RNF150: variants seen among roughly 807,000 people sequenced by gnomAD.
RNF150 encodes ring finger protein 150.
Under a neutral mutation model 39.3 loss-of-function variants are expected in RNF150, and 24 were observed. The observed-to-expected ratio is 0.61, with a 90% confidence interval of 0.44 to 0.86. RNF150 has a LOEUF of 0.86. RNF150 is among the 40% of genes least tolerant of loss of function. RNF150 has a pLI of 0.00. For missense variants in RNF150, 502 were observed against 587.8 expected, an observed-to-expected ratio of 0.85 and a Z score of 1.51; for synonymous variants, 255 against 227.3, an observed-to-expected ratio of 1.12 and a Z score of -1.10.
chr4:141,095,844 T>G (rs1459791930), intron 1 of RNF150, among the ~76,000 whole-genome samples: 2 of 152,258 alleles, frequency 1.3e-5, no homozygotes, highest in East Asian at 3.8e-4. Context: ...GCTAATGTGC[T>G]GTTTCTTAAT....
chr4:140,910,873 C>T (rs942652912), intron 6 of RNF150, among the ~76,000 whole-genome samples: 5 of 152,108 alleles, frequency 3.3e-5, no homozygotes, highest in East Asian at 3.9e-4. Flanking sequence ...CACAGGGAAG[C>T]GGACATGGAG....
Position 140,860,571 on chromosome 4 carries a change from C to A in RNF150, c.*7690G>T, listed in dbSNP as rs1728446254. The A allele has an allele frequency of 6.6e-6, 1 of 152,130 alleles. No homozygotes were observed. Among genetic ancestry groups the A allele is most frequent in the African/African-American group, 2.4e-5 (1 of 41,424 alleles). The allele number at this position is 152,130 out of a possible 1,614,324, so 9.4% of individuals were successfully genotyped here. On this transcript the variant is annotated 3_prime_UTR_variant, in exon 7 of 7. Coordinates refer to ENST00000515673, the MANE Select transcript of RNF150 (RefSeq NM_020724.2). Reference sequence around the variant, plus strand: ...TGGGGAAGCTAAGTAGACTTTACCCCAACATCAATCATTTTACAACAAAAG... The same window carrying A: ...TGGGGAAGCTAAGTAGACTTTACCCAAACATCAATCATTTTACAACAAAAG...
In RNF150 at chr4:141,125,966, C is replaced by T. The variant is rs113795653; in HGVS notation, c.484+6359G>A. Among the ~76,000 whole-genome samples the T allele has an allele frequency of 7.8e-4, 118 of 152,250 alleles. 1 individual carries two copies. Among genetic ancestry groups the T allele is most frequent in the African/African-American group, 2.6e-3 (108 of 41,544 alleles). ...TTCTTGCCCGGGTCATCTTAAGCTACACTGCCAAGAATGTTATTTAACACT... is the reference window on the plus strand; with the variant it reads ...TTCTTGCCCGGGTCATCTTAAGCTATACTGCCAAGAATGTTATTTAACACT... On this transcript the variant is annotated intron_variant, in intron 1 of 6. Coordinates refer to ENST00000515673, the MANE Select transcript of RNF150 (RefSeq NM_020724.2).
At chr4:141,191,030 C>T (rs1454316894) in intron 1 of RNF150, among the ~76,000 whole-genome samples, 2 of 152,218 alleles carry the variant, frequency 1.3e-5, no homozygotes, top group African/African-American at 4.8e-5. Context: ...CTCCACTTCA[C>T]AAGTTAGCAT....
At chr4:140,910,793 G>A (rs890380325) in intron 6 of RNF150, among the ~76,000 whole-genome samples, 1 of 152,214 alleles carries the variant, frequency 6.6e-6, no homozygotes, top group South Asian at 2.1e-4. Context: ...AGCACCCCTT[G>A]TAGTTGCTCC....
rs1728614201 is a variant in RNF150, at chr4:140,864,243, A to G, written c.*4018T>C. 1 of 152,170 alleles carries G rather than the reference A, an allele frequency of 6.6e-6. No individual in the cohort carries two copies. Among genetic ancestry groups the G allele is most frequent in the Admixed American group, 6.5e-5 (1 of 15,276 alleles). 9.4% of individuals were successfully genotyped at this position (152,170 alleles called of 1,614,324 possible). The stretch of plus-strand genomic sequence containing the variant: ...GCTTTTAATTTTCTGCCTTCTCCAG[A>G]CTCTACCTCTCCCTGTGTAGATGAC... On this transcript the variant is annotated 3_prime_UTR_variant, in exon 7 of 7. Transcript: ENST00000515673.
At chr4:141,091,487 A>T (rs1738579451) in intron 1 of RNF150, among the ~76,000 whole-genome samples, 1 of 152,198 alleles carries the variant, frequency 6.6e-6, no homozygotes, top group African/African-American at 2.4e-5. Flanking sequence ...ACAGTGGATA[A>T]CAGTTAAAGG....
At chr4:141,003,352 T>A (rs1560681787) in intron 1 of RNF150, among the ~76,000 whole-genome samples, 1 of 152,168 alleles carries the variant, frequency 6.6e-6, no homozygotes, top group Non-Finnish European at 1.5e-5. Context: ...CCCCAACACA[T>A]ACTGATATTG....
At chr4:141,027,952 T>G (rs28470572) in intron 1 of RNF150, among the ~76,000 whole-genome samples, 31,191 of 69,382 alleles carry the variant, frequency 0.45, 10,079 homozygotes, top group Non-Finnish European at 0.6. Flanking sequence ...TTTTTTTTTT[T>G]CAATCCTGCT....
chr4:141,030,181 G>A (rs543343628), intron 1 of RNF150, among the ~76,000 whole-genome samples: 207 of 150,714 alleles, frequency 1.4e-3, no homozygotes, highest in Non-Finnish European at 2.5e-3. Flanking sequence ...GCGACAAAGT[G>A]AGACTCCGTC....
chr4:141,141,395 T>C, intron 1 of RNF150, among the ~76,000 whole-genome samples: 1 of 152,246 alleles, frequency 6.6e-6, no homozygotes, highest in East Asian at 1.9e-4. Context: ...TATTGGAGTC[T>C]ACAAACGAAT....
intron 1 of RNF150, among the ~76,000 whole-genome samples, chr4:141,092,990 T>C (rs10032239): frequency 0.15 from 22,409 of 152,070 alleles, 1,717 homozygotes; most frequent in Middle Eastern, 0.25. Flanking sequence ...CCTGAGGGCA[T>C]CTACTACTCC....
At chr4:141,108,288 C>T (rs1333026722) in intron 1 of RNF150, among the ~76,000 whole-genome samples, 1 of 152,148 alleles carries the variant, frequency 6.6e-6, no homozygotes, top group South Asian at 2.1e-4. Flanking sequence ...CAGTTAGGAC[C>T]AGCACTGTTT....
rs561186735 is a variant in RNF150 at position 140,982,821 on chromosome 4, C to T, written c.485-14948G>A. ...TGCCTGCTGCATTAGCACATCCCAG[C>T]GGTGATTCTGTCCTTGGCATACTTA... On this transcript the variant is annotated intron_variant, in intron 1 of 6. Coordinates refer to ENST00000515673, the MANE Select transcript of RNF150 (RefSeq NM_020724.2). Among the ~76,000 whole-genome samples, 36 of 152,206 alleles carry T rather than the reference C, an allele frequency of 2.4e-4. 1 individual carries two copies. Among genetic ancestry groups the T allele is most frequent in the African/African-American group, 8.2e-4 (34 of 41,546 alleles).
intron 6 of RNF150, among the ~76,000 whole-genome samples, chr4:140,909,435 G>GGAGA (rs1247387371): frequency 2.6e-5 from 4 of 151,464 alleles, no homozygotes; most frequent in Non-Finnish European, 4.4e-5. Flanking sequence ...TTTTAATATT[G>GGAGA]GAGACAATAT....
At chr4:141,196,672 A>G (rs1278075450) in intron 1 of RNF150, among the ~76,000 whole-genome samples, 2 of 151,368 alleles carry the variant, frequency 1.3e-5, no homozygotes, top group Non-Finnish European at 2.9e-5. Flanking sequence ...TTACCATCCC[A>G]CTGTGCATAG....
At chr4:141,105,043 G>T (rs1013228950) in intron 1 of RNF150, among the ~76,000 whole-genome samples, 1 of 152,090 alleles carries the variant, frequency 6.6e-6, no homozygotes, top group Non-Finnish European at 1.5e-5. Context: ...TCTCAATCGT[G>T]TATACCTATT....
chr4:141,209,968 T>C (rs775674369), intron 1 of RNF150, among the ~76,000 whole-genome samples: 3 of 152,130 alleles, frequency 2.0e-5, no homozygotes, highest in Admixed American at 6.5e-5. Flanking sequence ...GTATTGGAAG[T>C]CTTACCCACA....
At chr4:141,183,378 C>T (rs192010322) in intron 1 of RNF150, among the ~76,000 whole-genome samples, 1 of 151,910 alleles carries the variant, frequency 6.6e-6, no homozygotes, top group East Asian at 1.9e-4. Flanking sequence ...ATCACTTTCC[C>T]TTGAATGAGA....
Sources: allele counts gnomAD v4.1 joint callset (sites outside exome capture counted in the v4.1 genomes callset), GRCh38; gene constraint gnomAD v4.1.1; transcripts MANE v1.5; gene names NCBI Gene and HGNC (gene_info 2026-07-23, HGNC 2026-07-21).